Variants in TENM1 observed in about 807,000 individuals in gnomAD.
TENM1 encodes teneurin-1.
In TENM1, 35 loss-of-function variants were observed where a neutral mutation model predicts 174.8. The ratio of observed to expected loss-of-function variants is 0.20; its 90% confidence interval spans 0.15 to 0.27. The LOEUF (loss-of-function observed/expected upper bound fraction) is 0.27, where lower values mean the gene tolerates loss of function less well. Ranked by LOEUF, TENM1 falls within the 10% of genes least tolerant of loss-of-function variation. The probability of loss-of-function intolerance (pLI) is 1.00; values close to 1 mark genes in which losing one functional copy is unlikely to be tolerated. For missense variants in TENM1, 1,633 were observed against 2,130.1 expected, an observed-to-expected ratio of 0.77 and a Z score of 4.59; for synonymous variants, 781 against 798.7, an observed-to-expected ratio of 0.98 and a Z score of 0.37.
At chrX:125,017,550 G>A in the TENM1 span, among the ~76,000 whole-genome samples, 1 of 111,478 alleles carries the variant, frequency 9.0e-6, no homozygotes, top group East Asian at 2.8e-4. Context: ...ATAATTCATT[G>A]TACTATAATG....
At chrX:124,975,779 C>T in the TENM1 span, among the ~76,000 whole-genome samples, 1 of 111,892 alleles carries the variant, frequency 8.9e-6, no homozygotes, top group Non-Finnish European at 1.9e-5. Flanking sequence ...CAGAGGTTAA[C>T]AATGATTGTC....
chrX:124,480,747 T>C (rs2046824281), intron 22 of TENM1, among the ~76,000 whole-genome samples: 1 of 111,993 alleles, frequency 8.9e-6, no homozygotes, highest in African/African-American at 3.2e-5. Flanking sequence ...AAACACTGGC[T>C]TTGTAAGCCC....
chrX:124,963,940 G>A (rs762183935), upstream of TENM1: 37 of 429,561 alleles, frequency 8.6e-5, no homozygotes, highest in Non-Finnish European at 1.4e-4. Context: ...AGACAAACTA[G>A]ATGACATGAA....
At chrX:124,665,190 A>C (rs1030096703) in intron 6 of TENM1, among the ~76,000 whole-genome samples, 1 of 111,367 alleles carries the variant, frequency 9.0e-6, no homozygotes, top group Non-Finnish European at 1.9e-5. Context: ...AAATTACAAA[A>C]TTAGCCTGGC....
chrX:124,775,588 G>C (rs1014992094), intron 3 of TENM1, among the ~76,000 whole-genome samples: 1 of 112,179 alleles, frequency 8.9e-6, no homozygotes, highest in Non-Finnish European at 1.9e-5. Context: ...TAGGCAAGGA[G>C]AACTTGGCTC....
the TENM1 span, among the ~76,000 whole-genome samples, chrX:125,056,014 C>T: frequency 9.0e-6 from 1 of 111,024 alleles, no homozygotes; most frequent in African/African-American, 3.3e-5. Context: ...CACACAGTAC[C>T]ATAAATCTTC....
chrX:124,664,907 A>T (rs1487340620), intron 6 of TENM1, among the ~76,000 whole-genome samples: 1 of 111,755 alleles, frequency 8.9e-6, no homozygotes, highest in Non-Finnish European at 1.9e-5. Context: ...GAAAAATGAA[A>T]GAAAAAGCCC....
intron 3 of TENM1, among the ~76,000 whole-genome samples, chrX:124,820,086 G>C (rs992522255): frequency 1.8e-5 from 2 of 110,827 alleles, no homozygotes; most frequent in Admixed American, 1.9e-4. Context: ...GAGCTGCCCC[G>C]CCTGGCTCTG....
At chrX:124,961,722 G>A (rs1312364540) in intron 1 of TENM1, among the ~76,000 whole-genome samples, 2 of 111,670 alleles carry the variant, frequency 1.8e-5, no homozygotes, top group African/African-American at 6.5e-5. Flanking sequence ...GATGATGTTG[G>A]GGGTGATGGT....
At chrX:124,430,612 G>C (rs1603264329) in intron 23 of TENM1, among the ~76,000 whole-genome samples, 1 of 111,808 alleles carries the variant, frequency 8.9e-6, no homozygotes, top group Non-Finnish European at 1.9e-5. Flanking sequence ...ATTTGTGCTG[G>C]TCCCTGTCTA....
chrX:124,407,610 A>T (rs1284021699), intron 25 of TENM1, among the ~76,000 whole-genome samples: 1 of 112,274 alleles, frequency 8.9e-6, no homozygotes, highest in Admixed American at 9.4e-5. Flanking sequence ...GTAGTTGCTC[A>T]AATTTTAATA....
the TENM1 span, among the ~76,000 whole-genome samples, chrX:125,203,323 A>G: frequency 8.9e-6 from 1 of 112,533 alleles, no homozygotes; most frequent in Non-Finnish European, 1.9e-5. Context: ...GGTGGGAGGG[A>G]TGCCAGAGAA....
At chrX:124,998,906 T>C in the TENM1 span, among the ~76,000 whole-genome samples, 381 of 111,772 alleles carry the variant, frequency 3.4e-3, 1 homozygote, top group African/African-American at 0.012. Context: ...GTGTTCTAAA[T>C]CTGAAACACA....
intron 13 of TENM1, 31 bp from the exon 17 acceptor site, chrX:124,561,848 G>C (rs369157325): frequency 2.3e-5 from 27 of 1,197,538 alleles, no homozygotes; most frequent in Non-Finnish European, 2.7e-5. Context: ...AACCATCACA[G>C]AGACATCAGA....
intron 3 of TENM1, among the ~76,000 whole-genome samples, chrX:124,824,291 T>G (rs760659042): frequency 8.9e-6 from 1 of 112,148 alleles, no homozygotes; most frequent in South Asian, 3.7e-4. Flanking sequence ...AAAAGAAAAA[T>G]AATTGCTGTT....
In TENM1 at chrX:124,498,825, T is replaced by A. The variant is rs2047261635; in HGVS notation, c.3446-1560A>T. 3.6e-5 allele frequency among the ~76,000 whole-genome samples: 4 copies of A among 111,244 alleles called. No individual in the cohort carries two copies. The South Asian group carries it at 1.5e-3, about 42-fold the overall frequency. ...TCCCATTAGAACATGAATGAGCTCC[T>A]TGAAGGCAGATCCTCTGTCTTACTC... On this transcript the variant is annotated intron_variant, in intron 19 of 31. Transcript: ENST00000422452.
chrX:125,099,448 A>T, the TENM1 span, among the ~76,000 whole-genome samples: 1 of 112,398 alleles, frequency 8.9e-6, no homozygotes, highest in East Asian at 2.8e-4. Flanking sequence ...AAAGAGATGG[A>T]TGCACACCTT....
intron 3 of TENM1, among the ~76,000 whole-genome samples, chrX:124,829,916 T>C (rs1386865063): frequency 1.8e-5 from 2 of 112,213 alleles, no homozygotes; most frequent in East Asian, 2.8e-4. Context: ...ATTCATTGTG[T>C]GCCTTTTGAT....
intron 11 of TENM1, among the ~76,000 whole-genome samples, chrX:124,580,519 CACACACAT>C (rs1403227521): frequency 3.7e-5 from 4 of 108,752 alleles, no homozygotes; most frequent in African/African-American, 1.3e-4. Flanking sequence ...TATATATGCA[CACACACAT>C]ACACACAGAG....
Sources: gnomAD v4.1 joint callset for allele counts (sites outside exome capture counted in the v4.1 genomes callset) on GRCh38, gnomAD v4.1.1 for gene constraint, MANE v1.5 for transcripts, NCBI Gene and HGNC (gene_info 2026-07-23, HGNC 2026-07-21) for gene names.